ACAP2: variants seen among roughly 807,000 people sequenced by gnomAD.
ACAP2 encodes the protein arf-GAP with coiled-coil, ANK repeat and PH domain-containing protein 2.
In ACAP2, 39 loss-of-function variants were observed where a neutral mutation model predicts 115.8. The observed-to-expected ratio is 0.34, with a 90% CI of 0.26 to 0.44. The LOEUF (loss-of-function observed/expected upper bound fraction) is 0.44, where lower values mean the gene tolerates loss of function less well. Among genes scored for constraint, ACAP2 ranks in the 20% least tolerant of loss-of-function variants. The pLI, the probability that ACAP2 is intolerant of heterozygous loss-of-function variation, is 1.00. For missense variants in ACAP2, 662 were observed against 927.6 expected (o/e 0.71, Z 3.72); for synonymous variants, 289 against 315.8 (o/e 0.92, Z 0.90).
chr3:195,413,550 ACCAG>A (rs1397452383), intron 1 of ACAP2, among the ~76,000 whole-genome samples: 1 of 152,114 alleles, frequency 6.6e-6, no homozygotes, highest in Non-Finnish European at 1.5e-5. Flanking sequence ...GGAGTTTGAG[ACCAG>A]CCTGTCCAAC....
chr3:195,285,896 T>C (rs1464197225), intron 21 of ACAP2, 39 bp from the exon 22 acceptor site: 1 of 1,423,118 alleles, frequency 7.0e-7, no homozygotes, highest in Non-Finnish European at 9.7e-7. Flanking sequence ...TGACATTATA[T>C]AATATAAATG....
At chr3:195,279,500 C>G in intron 22 of ACAP2, 72 bp from the exon 23 acceptor site, 1 of 948,560 alleles carries the variant, frequency 1.1e-6, no homozygotes, top group Non-Finnish European at 1.5e-6. Flanking sequence ...ATATTTATTA[C>G]TAGTACTATT....
intron 18 of ACAP2, 44 bp from the exon 19 acceptor site, chr3:195,292,496 C>T: frequency 6.5e-7 from 1 of 1,530,698 alleles, no homozygotes; most frequent in Non-Finnish European, 8.8e-7. Flanking sequence ...GAGCTCTTGG[C>T]AGAAAAAGAA....
At chr3:195,298,250 CTCTTTT>C (rs1272166356) in intron 15 of ACAP2, among the ~76,000 whole-genome samples, 2,045 of 119,290 alleles carry the variant, frequency 0.017, 22 homozygotes, top group Middle Eastern at 0.052. Flanking sequence ...CCTTTCTCTC[CTCTTTT>C]TTTTTTTTTT....
chr3:195,377,105 A>C (rs1369119048), intron 4 of ACAP2, among the ~76,000 whole-genome samples: 1 of 146,228 alleles, frequency 6.8e-6, no homozygotes. Flanking sequence ...CATCTAGTAA[A>C]TCCCCTTCAT....
At chr3:195,436,401 TG>T (rs1221601422) in intron 1 of ACAP2, among the ~76,000 whole-genome samples, 1 of 152,170 alleles carries the variant, frequency 6.6e-6, no homozygotes, top group Admixed American at 6.5e-5. Flanking sequence ...CCCAAAGTGC[TG>T]GGATTACAGG....
chr3:195,288,624 G>A (rs527711524), intron 21 of ACAP2, among the ~76,000 whole-genome samples: 11 of 152,250 alleles, frequency 7.2e-5, no homozygotes, highest in South Asian at 2.1e-4. Flanking sequence ...TTGGGAGGCC[G>A]AGGCGGGTGG....
intron 1 of ACAP2, among the ~76,000 whole-genome samples, chr3:195,424,279 ATATATTTTTTTTTTTTT>A (rs1714466407): frequency 2.0e-5 from 1 of 50,698 alleles, no homozygotes; most frequent in African/African-American, 7.0e-5. Flanking sequence ...ATATATATAT[ATATATTTTTTTTTTTTT>A]TTTTTTTTTT....
At chr3:195,295,452 A>G (rs1727580850) in intron 17 of ACAP2, 3 of 552,472 alleles carry the variant, frequency 5.4e-6, no homozygotes, top group Non-Finnish European at 6.2e-6. Context: ...TGTCAGGTTT[A>G]TAATTCCCAT....
chr3:195,338,436 C>T (rs779851002), intron 6 of ACAP2, among the ~76,000 whole-genome samples: 1 of 152,084 alleles, frequency 6.6e-6, no homozygotes, highest in East Asian at 1.9e-4. Context: ...CTCAGCTTCC[C>T]GAGTAGCTGG....
At chr3:195,313,762 G>T (rs1418927862) in intron 10 of ACAP2, among the ~76,000 whole-genome samples, 1 of 152,064 alleles carries the variant, frequency 6.6e-6, no homozygotes, top group Admixed American at 6.6e-5. Context: ...GTTTTTCCAA[G>T]TTATCACTAA....
intron 1 of ACAP2, among the ~76,000 whole-genome samples, chr3:195,409,261 T>C (rs902536559): frequency 2.0e-5 from 3 of 152,074 alleles, no homozygotes; most frequent in East Asian, 1.9e-4. Context: ...ATAGTCAACA[T>C]ACAAAAATCA....
chr3:195,294,090 G>A (rs148217849), intron 18 of ACAP2, among the ~76,000 whole-genome samples: 60 of 152,072 alleles, frequency 3.9e-4, no homozygotes, highest in African/African-American at 1.4e-3. Flanking sequence ...AGTAAGCGAA[G>A]ATCGCACCAC....
Position 195,442,802 on chromosome 3 carries a change from G to A in ACAP2, c.46C>T (p.Arg16Cys). 1 of 1,529,790 alleles carries A rather than the reference G, an allele frequency of 6.5e-7. No individual in the cohort carries two copies. The highest frequency in any genetic ancestry group is 1.7e-4 in the Middle Eastern group (1 of 5,880). The allele number at this position is 1,529,790 out of a possible 1,614,324, so 94.8% of individuals were successfully genotyped here. ...DFEECLKDSP[R>C]FRAALEEVEG... is the part of the protein sequence containing the mutation. ...GGCGGCCGTGCCGGTTACCTGAAGC[G>A]GGGCGAGTCCTTCAGACACTCCTCG... Residue 16 changes from arginine to cysteine, a missense_variant, in exon 1 of 23, where the codon CGC becomes TGC. Physicochemically the swap from Arg to Cys is radical, Grantham distance 180. Transcript: ENST00000326793.
intron 1 of ACAP2, among the ~76,000 whole-genome samples, chr3:195,437,131 T>C (rs1715603990): frequency 6.6e-6 from 1 of 152,112 alleles, no homozygotes; most frequent in African/African-American, 2.4e-5. Context: ...CACTGTAACC[T>C]CAAACTCCAG....
intron 1 of ACAP2, among the ~76,000 whole-genome samples, chr3:195,416,148 C>T (rs555292358): frequency 1.3e-5 from 2 of 152,232 alleles, no homozygotes; most frequent in South Asian, 4.1e-4. Context: ...GAGTTCGAGA[C>T]CGCCCTGGCT....
chr3:195,407,358 A>C (rs1392739017), intron 1 of ACAP2, among the ~76,000 whole-genome samples: 2 of 152,000 alleles, frequency 1.3e-5, no homozygotes, highest in Non-Finnish European at 2.9e-5. Context: ...GTTATTTTTT[A>C]AATTAAAAAA....
intron 1 of ACAP2, among the ~76,000 whole-genome samples, chr3:195,417,474 C>T (rs1045259928): frequency 6.6e-6 from 1 of 152,130 alleles, no homozygotes; most frequent in African/African-American, 2.4e-5. Context: ...TATCATTCTA[C>T]CTCCTAAATA....
intron 2 of ACAP2, among the ~76,000 whole-genome samples, chr3:195,383,961 T>C (rs1734118400): frequency 1.3e-5 from 2 of 152,206 alleles, no homozygotes; most frequent in Non-Finnish European, 2.9e-5. Flanking sequence ...TGAAAAAGTT[T>C]GATAACATGC....
Sources: gnomAD v4.1 joint callset for allele counts (sites outside exome capture counted in the v4.1 genomes callset) on GRCh38, gnomAD v4.1.1 for gene constraint, MANE v1.5 for transcripts, NCBI Gene and HGNC (gene_info 2026-07-23, HGNC 2026-07-21) for gene names.